EGFL7: variants seen among roughly 807,000 people sequenced by gnomAD.
EGFL7 encodes EGF like domain multiple 7.
In EGFL7, 48 loss-of-function variants were observed where a neutral mutation model predicts 37.1. The ratio of observed to expected loss-of-function variants is 1.29; its 90% CI spans 1.03 to 1.65. The LOEUF (loss-of-function observed/expected upper bound fraction) is 1.65, where lower values mean the gene tolerates loss of function less well. Ranked by LOEUF, EGFL7 falls within the 40% of genes most tolerant of loss-of-function variation. The probability of loss-of-function intolerance (pLI) is 0.00; values close to 1 mark genes in which losing one functional copy is unlikely to be tolerated. For synonymous variants in EGFL7, 180 were observed against 156.8 expected (o/e 1.15, Z -1.10); for missense variants, 384 against 378.9 (o/e 1.01, Z -0.11).
Position 136,670,005 on chromosome 9 carries a change from G to T in EGFL7, c.405G>T (p.Gln135His). 1 of 1,595,714 alleles carries T rather than the reference G, an allele frequency of 6.3e-7. No individual in the cohort carries two copies. The highest frequency in any genetic ancestry group is 8.6e-7 in the Non-Finnish European group (1 of 1,169,412). Reference protein sequence around the residue: ...CPAGWRGDTCQSDVDECSARR... With the variant: ...CPAGWRGDTCHSDVDECSARR... ...CAGGATGGCGGGGTGACACTTGCCA[G>T]TCAGGTGAGGCTGGCTCTACCCTGG... is the stretch of plus-strand genomic sequence containing the variant. Residue 135 changes from glutamine to histidine, a missense_variant, in exon 7 of 11, where the codon CAG becomes CAT. Gln to His is a conservative substitution (Grantham distance 24). Coordinates refer to ENST00000308874, the MANE Select transcript of EGFL7 (RefSeq NM_016215.5).
intron 9 of EGFL7, among the ~76,000 whole-genome samples, 183 bp from the exon 10 acceptor site, chr9:136,671,743 C>G (rs917792367): frequency 2.6e-4 from 40 of 152,328 alleles, no homozygotes; most frequent in Non-Finnish European, 5.0e-4. Flanking sequence ...GCCTGATGCC[C>G]CAGGCACCCA....
At chr9:136,671,806 C>A in intron 9 of EGFL7, 120 bp from the exon 10 acceptor site, 2 of 1,315,256 alleles carry the variant, frequency 1.5e-6, no homozygotes, top group Non-Finnish European at 2.0e-6. Context: ...ACACTTGGAG[C>A]CCTGCCGCGG....
intron 9 of EGFL7, among the ~76,000 whole-genome samples, chr9:136,671,319 A>T (rs1391547930): frequency 7.4e-6 from 1 of 134,650 alleles, no homozygotes; most frequent in Admixed American, 7.5e-5. Context: ...CTGCTGGAGG[A>T]GGTGAGACGT....
intron 3 of EGFL7, chr9:136,665,696 GGGGGCGGGGCGGGGCCGCCAGGT>G (rs1356595422): frequency 1.3e-5 from 2 of 149,512 alleles, no homozygotes; most frequent in Non-Finnish European, 3.0e-5. Context: ...TCTGCGCAAT[GGGGGCGGGGCGGGGCCGCCAGGT>G]GGGGCGGGGC....
chr9:136,670,054 A>T, intron 7 of EGFL7, 45 bp downstream of exon 7: 1 of 1,589,190 alleles, frequency 6.3e-7, no homozygotes, highest in Non-Finnish European at 8.6e-7. Context: ...GGTCCTGGGC[A>T]CCTCCTTGCA....
chr9:136,667,598 A>G (rs1174079406), intron 3 of EGFL7, among the ~76,000 whole-genome samples: 3 of 152,162 alleles, frequency 2.0e-5, no homozygotes, highest in African/African-American at 7.2e-5. Context: ...CCACTGTCCC[A>G]GGATCCCTGG....
rs781727727 is a variant in EGFL7, at chr9:136,670,193, G to A, written c.434G>A (p.Arg145Lys). 6.2e-7 allele frequency: 1 copy of A among 1,612,682 alleles called. No homozygotes were observed. Among genetic ancestry groups the A allele is most frequent in the East Asian group, 2.2e-5 (1 of 44,888 alleles). Residue 145 changes from arginine (R) to lysine (K), a missense_variant, in exon 8 of 11, where the codon AGG (arginine) becomes AAG (lysine). By Grantham distance (26) the Arg-to-Lys change is conservative. Transcript: ENST00000308874. ...QSDVDECSARRGGCPQRCVNT... is the reference protein window; with the variant it reads ...QSDVDECSARKGGCPQRCVNT... ...GATGTGGATGAATGCAGTGCTAGGAGGGGCGGCTGTCCCCAGCGCTGCGTC... is the reference window on the plus strand; with the variant it reads ...GATGTGGATGAATGCAGTGCTAGGAAGGGCGGCTGTCCCCAGCGCTGCGTC...
At position 136,670,925 on chromosome 9, in the gene EGFL7, A is replaced by G. The variant is rs970300768; in HGVS notation, c.572-25A>G. 4 of 1,524,374 alleles carry G rather than the reference A, an allele frequency of 2.6e-6. No individual in the cohort carries two copies. The East Asian group carries it at 8.8e-5, about 34-fold the overall frequency. 94.4% of individuals were successfully genotyped at this position (1,524,374 alleles called of 1,614,324 possible). A position where few individuals can be genotyped will look rare whatever the true frequency, so the allele number is the denominator to read the frequency against. On this transcript the variant is annotated intron_variant, in intron 8 of 10. Coordinates refer to ENST00000308874, the MANE Select transcript of EGFL7 (RefSeq NM_016215.5). Reference sequence around the variant, plus strand: ...GTGGGTGGGGAGCCGGCCGGCCGTGACCCAGCGCCTGGCTCTGCCCGCAGG... The same window carrying G: ...GTGGGTGGGGAGCCGGCCGGCCGTGGCCCAGCGCCTGGCTCTGCCCGCAGG...
chr9:136,665,272 C>G (rs989331420), intron 3 of EGFL7, among the ~76,000 whole-genome samples: 3 of 152,234 alleles, frequency 2.0e-5, no homozygotes, highest in African/African-American at 7.2e-5. Context: ...CAGAGGAGAT[C>G]TGGGTCTCTG....
intron 8 of EGFL7, chr9:136,670,641 G>A (rs1845790328): frequency 1.3e-6 from 1 of 772,794 alleles, no homozygotes; most frequent in East Asian, 2.5e-5. Flanking sequence ...TACGCGCTGT[G>A]ACACTTCAAA....
chr9:136,665,594 G>A (rs1351785653), intron 3 of EGFL7, among the ~76,000 whole-genome samples: 1 of 152,086 alleles, frequency 6.6e-6, no homozygotes, highest in Non-Finnish European at 1.5e-5. Flanking sequence ...GCGGGCCGCG[G>A]CTCAGAGGCG....
rs766828693 is a variant in EGFL7, at chr9:136,670,676, C to T, written c.572-274C>T. 39 of 772,332 alleles carry T rather than the reference C, an allele frequency of 5.0e-5. No homozygotes were observed. In the Middle Eastern group the frequency reaches 3.6e-3, roughly 71 times the overall value. 47.8% of individuals were successfully genotyped at this position (772,332 alleles called of 1,614,324 possible). A position where few individuals can be genotyped will look rare whatever the true frequency, so the allele number is the denominator to read the frequency against. ...ACTCGTACCGTGAGTAATAATGCGC[C>T]GTCCACGGCACCGCATCGAAAACGC... On this transcript the variant is annotated intron_variant, in intron 8 of 10. Transcript: ENST00000308874.
At position 136,669,739 on chromosome 9, in the gene EGFL7, C is replaced by A; in HGVS notation, c.313+18C>A. 1 of 1,552,744 alleles carries A rather than the reference C, an allele frequency of 6.4e-7. No homozygotes were observed. The highest frequency in any genetic ancestry group is 1.2e-5 in the South Asian group (1 of 85,426). ...TGGAGCAGGTGAGGGCTATGTCCCT[C>A]GGCGCCCGGTGTTAGGAGGGCGACT... On this transcript the variant is annotated intron_variant, in intron 6 of 10. Coordinates refer to ENST00000308874, the MANE Select transcript of EGFL7 (RefSeq NM_016215.5).
chr9:136,669,761 G>T, intron 6 of EGFL7, 40 bp downstream of exon 6: 1 of 1,501,660 alleles, frequency 6.7e-7, no homozygotes, highest in South Asian at 1.2e-5. Context: ...TTAGGAGGGC[G>T]ACTGTTCCCC....
intron 8 of EGFL7, 177 bp from the exon 9 acceptor site, chr9:136,670,773 C>T (rs993516758): frequency 9.0e-5 from 66 of 736,932 alleles, no homozygotes; most frequent in East Asian, 8.7e-4. Context: ...CCACCCGCCC[C>T]GACGTACTTA....
intron 8 of EGFL7, 56 bp from the exon 9 acceptor site, chr9:136,670,894 G>A: frequency 1.3e-6 from 2 of 1,483,570 alleles, no homozygotes; most frequent in Non-Finnish European, 1.8e-6. Context: ...GAGGGAGCCT[G>A]GGGGTGTGGG....
chr9:136,664,458 G>A (rs941985202), intron 2 of EGFL7, among the ~76,000 whole-genome samples: 1 of 151,988 alleles, frequency 6.6e-6, no homozygotes, highest in South Asian at 2.1e-4. Flanking sequence ...AGGGAGTCCA[G>A]GGCTGGAGGC....
chr9:136,663,658 T>G (rs1845283238), intron 2 of EGFL7, 35 bp downstream of exon 2: 1 of 152,256 alleles, frequency 6.6e-6, no homozygotes, highest in African/African-American at 2.4e-5. Flanking sequence ...AGGGATGACT[T>G]GCTGGGTGCG....
At chr9:136,669,785 C>T (rs1263414661) in intron 6 of EGFL7, 64 bp downstream of exon 6, 9 of 1,458,028 alleles carry the variant, frequency 6.2e-6, no homozygotes, top group East Asian at 5.0e-5. Flanking sequence ...CTTCCAGCAA[C>T]GCTCCTGCTG....
Sources: gnomAD v4.1 joint callset for allele counts (sites outside exome capture counted in the v4.1 genomes callset) on GRCh38, gnomAD v4.1.1 for gene constraint, MANE v1.5 for transcripts, NCBI Gene and HGNC (gene_info 2026-07-23, HGNC 2026-07-21) for gene names.